The following SLC25A26 variants were observed in gnomAD, a reference collection of about 807,000 sequenced individuals.
SLC25A26 encodes mitochondrial S-adenosylmethionine carrier protein.
A neutral mutation model predicts 37.8 loss-of-function variants in SLC25A26; 36 were observed. The observed-to-expected ratio is 0.95, with a 90% CI of 0.73 to 1.26. The LOEUF (loss-of-function observed/expected upper bound fraction) is 1.26, where lower values mean the gene tolerates loss of function less well. Ranked by LOEUF, SLC25A26 falls within the 50% of genes most tolerant of loss-of-function variation. The pLI is 0.00. For synonymous variants in SLC25A26, 129 were observed against 122.5 expected, an observed-to-expected ratio of 1.05 and a Z score of -0.35; for missense variants, 390 against 331.1, an observed-to-expected ratio of 1.18 and a Z score of -1.38.
intron 1 of SLC25A26, among the ~76,000 whole-genome samples, chr3:66,136,439 G>C (rs532824390): frequency 2.2e-4 from 33 of 152,306 alleles, no homozygotes; most frequent in Non-Finnish European, 4.0e-4. Context: ...GAAGTTTGGA[G>C]AAAAACAGGG....
At chr3:66,298,345 T>C (rs544960158) in intron 5 of SLC25A26, among the ~76,000 whole-genome samples, 1 of 152,336 alleles carries the variant, frequency 6.6e-6, no homozygotes, top group Non-Finnish European at 1.5e-5. Flanking sequence ...CTCCTTGTCA[T>C]AAATTGTGGA....
chr3:66,360,509 A>T (rs1319282799), intron 6 of SLC25A26, among the ~76,000 whole-genome samples: 2 of 152,218 alleles, frequency 1.3e-5, no homozygotes, highest in Non-Finnish European at 2.9e-5. Flanking sequence ...GCTTTATAAA[A>T]AAAAAGCTAT....
upstream of SLC25A26, among the ~76,000 whole-genome samples, chr3:66,219,316 A>G (rs2071409642): frequency 6.6e-6 from 1 of 152,176 alleles, no homozygotes; most frequent in Non-Finnish European, 1.5e-5. Context: ...ACTGATTGTG[A>G]GCAGGACCTG....
At chr3:66,240,163 G>C (rs1162363222) in intron 2 of SLC25A26, among the ~76,000 whole-genome samples, 2 of 152,168 alleles carry the variant, frequency 1.3e-5, no homozygotes, top group Admixed American at 6.5e-5. Context: ...TTAGTGTCAC[G>C]TGGCATTTTA....
intron 5 of SLC25A26, among the ~76,000 whole-genome samples, chr3:66,306,483 C>G (rs190320098): frequency 2.5e-4 from 38 of 152,098 alleles, no homozygotes; most frequent in African/African-American, 8.4e-4. Flanking sequence ...TCTTGTCTCT[C>G]TCTTTTTTCT....
chr3:66,179,392 T>C (rs1028737933), intron 1 of SLC25A26, among the ~76,000 whole-genome samples: 1 of 152,234 alleles, frequency 6.6e-6, no homozygotes, highest in East Asian at 1.9e-4. Context: ...AGTCTCCTTG[T>C]TGACTATGGC....
intron 3 of SLC25A26, among the ~76,000 whole-genome samples, chr3:66,245,614 A>G (rs1484425013): frequency 5.3e-5 from 8 of 152,242 alleles, no homozygotes; most frequent in Admixed American, 5.2e-4. Flanking sequence ...TAACATTTAC[A>G]TTAAAAATTG....
Position 66,225,252 on chromosome 3 carries a change from C to T in SLC25A26, c.33+4125C>T, listed in dbSNP as rs577139476. ...GCACACCTCGGCCTGGACATCCCGA[C>T]GTTTCCGTACATCATCTGAAATCTA... On this transcript the variant is annotated intron_variant, in intron 1 of 9. Coordinates refer to ENST00000354883, the MANE Select transcript of SLC25A26 (RefSeq NM_001379210.1). Among the ~76,000 whole-genome samples, 18 of 152,306 alleles carry T rather than the reference C, an allele frequency of 1.2e-4. No individual in the cohort carries two copies. In the South Asian group the frequency reaches 3.1e-3, roughly 26 times the overall value.
chr3:66,340,821 C>T (rs1214365706), intron 5 of SLC25A26, among the ~76,000 whole-genome samples: 5 of 151,984 alleles, frequency 3.3e-5, no homozygotes, highest in Non-Finnish European at 1.5e-5. Flanking sequence ...GGTTATTCCA[C>T]GTCCTTGTCA....
At position 66,243,301 on chromosome 3, in the gene SLC25A26, G is replaced by GCT; in HGVS notation, c.290_291dup (p.Gly98LeufsTer8). ...TATGAAACATATGTTGGCTGCCTCT[G>GCT]CTGGAGAAGTGGTAAGTAACAAGTT... On this transcript the variant is annotated frameshift_variant, in exon 3 of 10. Transcript: ENST00000354883. LOFTEE classifies it high-confidence loss of function. 6.3e-7 allele frequency: 1 copy of GCT among 1,592,094 alleles called. No homozygotes were observed. The highest frequency in any genetic ancestry group is 2.2e-5 in the East Asian group (1 of 44,546).
intron 5 of SLC25A26, among the ~76,000 whole-genome samples, chr3:66,280,173 A>G (rs2074289034): frequency 6.6e-6 from 1 of 152,230 alleles, no homozygotes; most frequent in South Asian, 2.1e-4. Context: ...GATGAAGTGA[A>G]GACACCAAAG....
At chr3:66,341,402 G>A (rs2076206210) in intron 5 of SLC25A26, among the ~76,000 whole-genome samples, 2 of 152,116 alleles carry the variant, frequency 1.3e-5, no homozygotes, top group Admixed American at 1.3e-4. Flanking sequence ...TTACAAAATA[G>A]TGTTATTTAA....
At chr3:66,210,579 A>G (rs2071271965) in intron 1 of SLC25A26, among the ~76,000 whole-genome samples, 1 of 151,646 alleles carries the variant, frequency 6.6e-6, no homozygotes, top group Non-Finnish European at 1.5e-5. Flanking sequence ...CAGTGGTGTG[A>G]TCTTTGCTCA....
chr3:66,327,301 C>G (rs535033450), intron 5 of SLC25A26, among the ~76,000 whole-genome samples: 1 of 152,080 alleles, frequency 6.6e-6, no homozygotes, highest in Non-Finnish European at 1.5e-5. Flanking sequence ...TTTTAATATT[C>G]AAAATAATGT....
At chr3:66,346,501 A>C in intron 6 of SLC25A26, 93 bp downstream of exon 6, 1 of 561,366 alleles carries the variant, frequency 1.8e-6, no homozygotes. Flanking sequence ...GTTGACTAGA[A>C]GTTCAGCAAC....
chr3:66,232,392 G>A (rs2072076102), intron 1 of SLC25A26, among the ~76,000 whole-genome samples: 2 of 152,054 alleles, frequency 1.3e-5, no homozygotes, highest in Admixed American at 1.3e-4. Context: ...TTGATTTGTA[G>A]TGCCTTCTAA....
chr3:66,143,846 A>T (rs62245234), intron 1 of SLC25A26, among the ~76,000 whole-genome samples: 6,758 of 152,216 alleles, frequency 0.044, 191 homozygotes, highest in Non-Finnish European at 0.061. Flanking sequence ...GTGCCAGTGC[A>T]CTCCAGCCTG....
intron 5 of SLC25A26, among the ~76,000 whole-genome samples, chr3:66,280,889 TTC>T (rs1164906643): frequency 6.6e-6 from 1 of 152,172 alleles, no homozygotes; most frequent in Non-Finnish European, 1.5e-5. Flanking sequence ...GGAGTCCTAC[TTC>T]TCATAACTAC....
intron 3 of SLC25A26, among the ~76,000 whole-genome samples, chr3:66,257,859 A>T (rs1173027136): frequency 6.6e-6 from 1 of 151,776 alleles, no homozygotes; most frequent in Non-Finnish European, 1.5e-5. Context: ...CACCCCAGCC[A>T]CTCTATGGAA....
Sources: gnomAD v4.1 joint callset for allele counts (sites outside exome capture counted in the v4.1 genomes callset) on GRCh38, gnomAD v4.1.1 for gene constraint, MANE v1.5 for transcripts, NCBI Gene and HGNC (gene_info 2026-07-23, HGNC 2026-07-21) for gene names.